The following ERC2 variants were observed in gnomAD, a reference collection of about 807,000 sequenced individuals.
ERC2 encodes the protein ELKS/RAB6-interacting/CAST family member 2.
ERC2 carries 42 observed loss-of-function variants against 114.8 expected under a neutral mutation model. The observed-to-expected ratio is 0.37, with a 90% CI of 0.29 to 0.47. The LOEUF (loss-of-function observed/expected upper bound fraction) is 0.47, where lower values mean the gene tolerates loss of function less well. Among genes scored for constraint, ERC2 ranks in the 20% least tolerant of loss-of-function variants. The pLI is 0.99. For synonymous variants in ERC2, 454 were observed against 425.5 expected (o/e 1.07, Z -0.82); for missense variants, 939 against 1,150.7 (o/e 0.82, Z 2.66).
At chr3:55,851,276 G>A (rs1009581818) in intron 14 of ERC2, among the ~76,000 whole-genome samples, 1 of 152,030 alleles carries the variant, frequency 6.6e-6, no homozygotes, top group African/African-American at 2.4e-5. Context: ...GCTCCTACGT[G>A]GCCTCCCCAG....
intron 7 of ERC2, among the ~76,000 whole-genome samples, chr3:56,032,977 GAGAAAGAAAGAA>G (rs1553782152): frequency 3.1e-4 from 14 of 45,438 alleles, no homozygotes; most frequent in African/African-American, 4.1e-4. Context: ...AAGAAAGAAA[GAGAAAGAAAGAA>G]AGAAAGAAAG....
At chr3:56,396,400 C>G (rs2106898077) in intron 2 of ERC2, among the ~76,000 whole-genome samples, 1 of 152,216 alleles carries the variant, frequency 6.6e-6, no homozygotes, top group Admixed American at 6.5e-5. Context: ...ATCACTTGAG[C>G]CCAGGAGTTC....
At chr3:55,835,632 A>C (rs1290385359) in intron 14 of ERC2, among the ~76,000 whole-genome samples, 3 of 152,178 alleles carry the variant, frequency 2.0e-5, no homozygotes, top group African/African-American at 7.2e-5. Context: ...TATGAAAAAC[A>C]CACAGCCAAT....
intron 3 of ERC2, among the ~76,000 whole-genome samples, chr3:56,272,786 G>C (rs2053741781): frequency 6.6e-6 from 1 of 152,064 alleles, no homozygotes; most frequent in Non-Finnish European, 1.5e-5. Flanking sequence ...AACAAAGAAA[G>C]AAATGGAGGT....
intron 2 of ERC2, among the ~76,000 whole-genome samples, chr3:56,394,343 CTG>C (rs1228816676): frequency 6.6e-6 from 1 of 152,106 alleles, no homozygotes. Context: ...TTTAGTGAAA[CTG>C]TTTTATAGGT....
At chr3:55,642,802 G>A (rs1342122585) in intron 17 of ERC2, among the ~76,000 whole-genome samples, 1 of 152,208 alleles carries the variant, frequency 6.6e-6, no homozygotes, top group Non-Finnish European at 1.5e-5. Context: ...TATGGATTTA[G>A]AAGTGTTTTA....
At chr3:56,292,627 A>G (rs1446141104) in intron 3 of ERC2, among the ~76,000 whole-genome samples, 2 of 151,414 alleles carry the variant, frequency 1.3e-5, no homozygotes, top group African/African-American at 4.8e-5. Flanking sequence ...GAAAAGGGAC[A>G]TAGTAAAATG....
intron 6 of ERC2, 38 bp downstream of exon 6, chr3:56,139,471 A>G (rs1407912612): frequency 1.3e-6 from 2 of 1,577,320 alleles, no homozygotes; most frequent in Admixed American, 1.9e-5. Context: ...TATCAATTCA[A>G]TGTCTCTGCT....
Position 56,434,787 on chromosome 3 carries a change from G to T in ERC2, c.221C>A (p.Thr74Asn), listed in dbSNP as rs1380888217. 1 of 1,613,966 alleles carries T rather than the reference G, an allele frequency of 6.2e-7. No individual in the cohort carries two copies. The highest frequency in any genetic ancestry group is 1.7e-5 in the Admixed American group (1 of 60,022). ...LSDHEGVAST[T>N]YPKGTMTLGR... ...CAGAGTCATAGTGCCCTTTGGGTAGGTTGTTGAAGCCACCCCTTCATGATC... is the reference window on the plus strand; with the variant it reads ...CAGAGTCATAGTGCCCTTTGGGTAGTTTGTTGAAGCCACCCCTTCATGATC... Residue 74 changes from threonine (T) to asparagine (N), a missense_variant, in exon 2 of 18, where the codon ACC becomes AAC. Around this residue, in one of 5 missense-constraint regions of ERC2, gnomAD observed 281 missense variants for 307.4 expected, o/e 0.91. Coordinates refer to ENST00000288221, the MANE Select transcript of ERC2 (RefSeq NM_015576.3).
At chr3:56,236,876 G>A (rs557536196) in intron 3 of ERC2, among the ~76,000 whole-genome samples, 4 of 152,186 alleles carry the variant, frequency 2.6e-5, no homozygotes, top group African/African-American at 7.2e-5. Context: ...TCCTCCAATC[G>A]ATGCAAAAAT....
intron 6 of ERC2, among the ~76,000 whole-genome samples, chr3:56,086,349 C>T (rs1341508584): frequency 1.3e-5 from 2 of 152,084 alleles, no homozygotes; most frequent in South Asian, 2.1e-4. Context: ...GGAGCCTGTG[C>T]CAGCTGAGGT....
intron 15 of ERC2, among the ~76,000 whole-genome samples, chr3:55,730,200 A>G (rs986956201): frequency 6.6e-6 from 1 of 152,172 alleles, no homozygotes; most frequent in African/African-American, 2.4e-5. Context: ...ACCAGGGCCA[A>G]CGCTGCACCA....
At chr3:56,249,940 C>G (rs563701415) in intron 3 of ERC2, among the ~76,000 whole-genome samples, 3 of 149,918 alleles carry the variant, frequency 2.0e-5, no homozygotes, top group Admixed American at 6.7e-5. Context: ...TCACCACAAC[C>G]TCCACCTCCC....
At chr3:56,380,480 C>T (rs986152771) in intron 2 of ERC2, among the ~76,000 whole-genome samples, 1 of 152,040 alleles carries the variant, frequency 6.6e-6, no homozygotes, top group South Asian at 2.1e-4. Context: ...CTGCCACAAT[C>T]ACCTTTTGTG....
At chr3:55,546,482 T>A (rs1381076301) in intron 17 of ERC2, among the ~76,000 whole-genome samples, 1 of 152,218 alleles carries the variant, frequency 6.6e-6, no homozygotes, top group Non-Finnish European at 1.5e-5. Context: ...TTTATCATAT[T>A]CACTGTCCAT....
chr3:56,329,505 G>A (rs566789108), intron 2 of ERC2, among the ~76,000 whole-genome samples: 2 of 152,216 alleles, frequency 1.3e-5, no homozygotes, highest in Admixed American at 1.3e-4. Context: ...AGAGTATTCT[G>A]TTCATAAAAA....
intron 17 of ERC2, among the ~76,000 whole-genome samples, chr3:55,518,640 G>C (rs1453084286): frequency 6.6e-6 from 1 of 152,086 alleles, no homozygotes; most frequent in Non-Finnish European, 1.5e-5. Flanking sequence ...GTGGTCATTT[G>C]TTACAAATTC....
At chr3:55,866,701 T>C (rs2062333400) in intron 14 of ERC2, among the ~76,000 whole-genome samples, 1 of 152,214 alleles carries the variant, frequency 6.6e-6, no homozygotes, top group Non-Finnish European at 1.5e-5. Flanking sequence ...ATTAAGTTTT[T>C]TGTGTATTTC....
intron 13 of ERC2, among the ~76,000 whole-genome samples, chr3:55,940,234 C>T (rs924818163): frequency 7.9e-5 from 12 of 151,998 alleles, no homozygotes; most frequent in Non-Finnish European, 4.4e-5. Context: ...CCCCAGACCC[C>T]AGGATTTCAG....
Sources: allele counts gnomAD v4.1 joint callset (sites outside exome capture counted in the v4.1 genomes callset), GRCh38; gene constraint gnomAD v4.1.1; regional missense constraint gnomAD v4.1.1; transcripts MANE v1.5; gene names NCBI Gene and HGNC (gene_info 2026-07-23, HGNC 2026-07-21).